Variants in RPS6KA2 observed in about 807,000 individuals in gnomAD.
The protein encoded by RPS6KA2 is ribosomal protein S6 kinase A2.
Under a neutral mutation model 91.8 loss-of-function variants are expected in RPS6KA2, and 42 were observed. The ratio of observed to expected loss-of-function variants is 0.46; its 90% confidence interval spans 0.36 to 0.59. RPS6KA2 has a LOEUF of 0.59. Among genes scored for constraint, RPS6KA2 ranks in the 20% least tolerant of loss-of-function variants. RPS6KA2 has a pLI of 0.00. For synonymous variants in RPS6KA2, 414 were observed against 393.6 expected, an observed-to-expected ratio of 1.05 and a Z score of -0.61; for missense variants, 798 against 978.5, an observed-to-expected ratio of 0.82 and a Z score of 2.46.
chr6:166,750,479 C>A (rs929130288), intron 2 of RPS6KA2, among the ~76,000 whole-genome samples: 1 of 152,222 alleles, frequency 6.6e-6, no homozygotes, highest in Admixed American at 6.5e-5. Flanking sequence ...ACTTGTCAAT[C>A]CCCAGACATC....
intron 2 of RPS6KA2, among the ~76,000 whole-genome samples, chr6:166,776,728 G>T (rs1174709076): frequency 6.6e-6 from 1 of 152,126 alleles, no homozygotes; most frequent in Non-Finnish European, 1.5e-5. Context: ...CATGTTGCAG[G>T]GTGTGTCAAC....
intron 2 of RPS6KA2, among the ~76,000 whole-genome samples, chr6:166,745,380 G>A (rs1048989135): frequency 1.3e-5 from 2 of 152,106 alleles, no homozygotes; most frequent in Admixed American, 1.3e-4. Flanking sequence ...TCGAACTCCT[G>A]ACCTCAGGTG....
chr6:166,658,826 G>A (rs948106448), intron 2 of RPS6KA2, among the ~76,000 whole-genome samples: 2 of 152,156 alleles, frequency 1.3e-5, no homozygotes, highest in African/African-American at 2.4e-5. Flanking sequence ...GTTCCTCAAC[G>A]GCATCACTAG....
rs570803083 is a variant in RPS6KA2, at chr6:166,454,297, C to T, written c.1076-3064G>A. Among the ~76,000 whole-genome samples the T allele has an allele frequency of 3.3e-4, 50 of 152,218 alleles. No homozygotes were observed. In the East Asian group the frequency reaches 8.1e-3, roughly 25 times the overall value. ...GGCAGATCACGAGGTCAGGAGTTCA[C>T]GACCAGCCTAACCAACATGGTGAAG... On this transcript the variant is annotated intron_variant, in intron 12 of 20. Transcript: ENST00000265678.
At chr6:166,534,464 T>G (rs1444653151) in intron 2 of RPS6KA2, among the ~76,000 whole-genome samples, 2 of 152,098 alleles carry the variant, frequency 1.3e-5, no homozygotes, top group African/African-American at 4.8e-5. Flanking sequence ...CCTGAGTGGG[T>G]CCGTACTTTC....
At chr6:166,550,777 C>T (rs554916934) in intron 1 of RPS6KA2, among the ~76,000 whole-genome samples, 5,255 of 151,916 alleles carry the variant, frequency 0.035, 303 homozygotes, top group African/African-American at 0.12. Flanking sequence ...CCAAGGCGGT[C>T]AGATCACAAG....
intron 1 of RPS6KA2, among the ~76,000 whole-genome samples, chr6:166,592,801 C>T (rs114437517): frequency 9.1e-4 from 139 of 152,248 alleles, no homozygotes; most frequent in African/African-American, 2.8e-3. Context: ...AACAGGCCTT[C>T]GGGGAAACAG....
At chr6:166,550,957 C>T (rs944002164) in intron 1 of RPS6KA2, among the ~76,000 whole-genome samples, 5 of 133,756 alleles carry the variant, frequency 3.7e-5, no homozygotes, top group Admixed American at 8.8e-5. Context: ...GCCGAGATCA[C>T]GACACTCCAG....
chr6:166,694,598 G>T (rs1438635172), intron 2 of RPS6KA2, among the ~76,000 whole-genome samples: 1 of 152,214 alleles, frequency 6.6e-6, no homozygotes, highest in African/African-American at 2.4e-5. Context: ...GCATTCCAAA[G>T]TCGCAATTGC....
At chr6:166,642,967 C>A (rs1169933992) in intron 2 of RPS6KA2, among the ~76,000 whole-genome samples, 5 of 152,226 alleles carry the variant, frequency 3.3e-5, no homozygotes. Context: ...TTAAAGAACA[C>A]CAGGTTCCCC....
intron 2 of RPS6KA2, among the ~76,000 whole-genome samples, chr6:166,654,435 C>A (rs1219115440): frequency 6.6e-6 from 1 of 152,088 alleles, no homozygotes; most frequent in Non-Finnish European, 1.5e-5. Flanking sequence ...CGGGTGAATT[C>A]TAGCAGATAC....
At chr6:166,751,308 C>G (rs1362641852) in intron 2 of RPS6KA2, among the ~76,000 whole-genome samples, 1 of 152,266 alleles carries the variant, frequency 6.6e-6, no homozygotes, top group African/African-American at 2.4e-5. Context: ...AGAGATTACA[C>G]AGGAATTCAG....
chr6:166,670,173 T>A (rs534990854), intron 2 of RPS6KA2, among the ~76,000 whole-genome samples: 1 of 152,236 alleles, frequency 6.6e-6, no homozygotes, highest in Non-Finnish European at 1.5e-5. Flanking sequence ...TGCCCTTCCC[T>A]ATGTAAAGGT....
chr6:166,465,874 G>A (rs761187262), intron 11 of RPS6KA2, among the ~76,000 whole-genome samples: 2 of 152,196 alleles, frequency 1.3e-5, no homozygotes, highest in South Asian at 2.1e-4. Flanking sequence ...AGCACCAAGC[G>A]TTATTTATCA....
At chr6:166,746,315 T>C (rs766279176) in intron 2 of RPS6KA2, among the ~76,000 whole-genome samples, 1 of 152,228 alleles carries the variant, frequency 6.6e-6, no homozygotes, top group Non-Finnish European at 1.5e-5. Context: ...CCCATTTCAG[T>C]ATCTGGGATA....
intron 2 of RPS6KA2, among the ~76,000 whole-genome samples, chr6:166,718,292 A>C (rs1283426369): frequency 6.6e-6 from 1 of 152,194 alleles, no homozygotes; most frequent in Non-Finnish European, 1.5e-5. Context: ...GGCAGATAGC[A>C]GTTATCAGAG....
intron 6 of RPS6KA2, among the ~76,000 whole-genome samples, chr6:166,502,735 G>A (rs1451734144): frequency 1.3e-5 from 2 of 152,216 alleles, no homozygotes; most frequent in Admixed American, 6.5e-5. Context: ...AAGGAGAGGC[G>A]AAAGGGGACT....
At chr6:166,471,295 G>A (rs1376626735) in intron 10 of RPS6KA2, among the ~76,000 whole-genome samples, 1 of 152,208 alleles carries the variant, frequency 6.6e-6, no homozygotes, top group African/African-American at 2.4e-5. Flanking sequence ...TGGTGCCATC[G>A]TTGGCTGGAA....
chr6:166,682,100 C>T (rs1788836410), intron 2 of RPS6KA2, among the ~76,000 whole-genome samples: 1 of 152,198 alleles, frequency 6.6e-6, no homozygotes, highest in Non-Finnish European at 1.5e-5. Context: ...TATGTTTAAG[C>T]TACAGGCAAT....
Sources: gnomAD v4.1 joint callset for allele counts (sites outside exome capture counted in the v4.1 genomes callset) on GRCh38, gnomAD v4.1.1 for gene constraint, MANE v1.5 for transcripts, NCBI Gene and HGNC (gene_info 2026-07-23, HGNC 2026-07-21) for gene names.